The following PAPSS2 variants were observed in gnomAD, a reference collection of about 807,000 sequenced individuals.
PAPSS2 encodes bifunctional 3'-phosphoadenosine 5'-phosphosulfate synthase 2.
PAPSS2 carries 61 observed loss-of-function variants against 66.5 expected under a neutral mutation model. The ratio of observed to expected loss-of-function variants is 0.92; its 90% CI spans 0.75 to 1.14. The LOEUF (loss-of-function observed/expected upper bound fraction) is 1.14, where lower values mean the gene tolerates loss of function less well. PAPSS2 is among the 50% of genes most tolerant of loss of function. The probability of loss-of-function intolerance (pLI) is 0.00; values close to 1 mark genes in which losing one functional copy is unlikely to be tolerated. For missense variants in PAPSS2, 708 were observed against 789.6 expected (o/e 0.90, Z 1.24); for synonymous variants, 289 against 287.5 (o/e 1.01, Z -0.05).
intron 2 of PAPSS2, among the ~76,000 whole-genome samples, chr10:87,711,684 G>T (rs1402716857): frequency 6.6e-6 from 1 of 152,094 alleles, no homozygotes; most frequent in African/African-American, 2.4e-5. Context: ...AAAGCCAAAG[G>T]CATGACTTTA....
intron 9 of PAPSS2, among the ~76,000 whole-genome samples, chr10:87,735,127 TGTGGCCC>T (rs1853781099): frequency 2.0e-5 from 3 of 152,156 alleles, no homozygotes; most frequent in Non-Finnish European, 4.4e-5. Context: ...ATCCTCTAGC[TGTGGCCC>T]CCCTGCTGTC....
In PAPSS2 at chr10:87,686,141, GT is replaced by G. The variant is rs572035192; in HGVS notation, c.28-23041del. On this transcript the variant is annotated intron_variant, in intron 1 of 12. Coordinates refer to ENST00000456849, the MANE Select transcript of PAPSS2 (RefSeq NM_001015880.2). ...AGCCTTTGAATCTGGATGGAAGGTG[GT>G]TTTTTTTTTTTTTCAGTAACAAAGG... Among the ~76,000 whole-genome samples, 170 of 137,208 alleles carry G rather than the reference GT, an allele frequency of 1.2e-3. 1 individual carries two copies. Among genetic ancestry groups the G allele is most frequent in the South Asian group, 4.4e-3 (19 of 4,296 alleles). The allele number at this position is 137,208 out of a possible 152,430, so 90.0% of individuals were successfully genotyped here. A position where few individuals can be genotyped will look rare whatever the true frequency, so the allele number is the denominator to read the frequency against.
At chr10:87,744,050 C>T (rs1247496086) in intron 11 of PAPSS2, among the ~76,000 whole-genome samples, 3 of 151,762 alleles carry the variant, frequency 2.0e-5, no homozygotes, top group Non-Finnish European at 4.4e-5. Flanking sequence ...TGCAGTGAGC[C>T]GAGATCATGC....
chr10:87,720,037 C>T (rs529143819), intron 7 of PAPSS2, among the ~76,000 whole-genome samples: 4 of 152,048 alleles, frequency 2.6e-5, no homozygotes, highest in Admixed American at 6.6e-5. Context: ...AGGCGCTTGC[C>T]ACGAAGCCCA....
At chr10:87,701,145 A>G (rs559484297) in intron 1 of PAPSS2, among the ~76,000 whole-genome samples, 11 of 151,676 alleles carry the variant, frequency 7.3e-5, no homozygotes, top group African/African-American at 2.7e-4. Context: ...CAAAAAGTAT[A>G]TATTATTATA....
chr10:87,713,977 A>C, intron 3 of PAPSS2, 67 bp from the exon 4 acceptor site: 1 of 1,551,766 alleles, frequency 6.4e-7, no homozygotes, highest in East Asian at 2.2e-5. Flanking sequence ...CAAAGTACAC[A>C]GTGTTTTGTG....
Position 87,679,486 on chromosome 10 carries a change from C to G in PAPSS2, c.27+19478C>G, listed in dbSNP as rs147961628. 2.0e-5 allele frequency among the ~76,000 whole-genome samples: 3 copies of G among 152,316 alleles called. No individual in the cohort carries two copies. In the East Asian group the frequency reaches 5.8e-4, roughly 29 times the overall value. ...TAAATGCACAAAGTGATAGACTCTT[C>G]AAATACCCTGACTTAATCATTACAC... On this transcript the variant is annotated intron_variant, in intron 1 of 12. Transcript: ENST00000456849.
Position 87,660,821 on chromosome 10 carries a change from A to C in PAPSS2, c.27+813A>C, listed in dbSNP as rs1037489487. Among the ~76,000 whole-genome samples the C allele has an allele frequency of 1.4e-3, 157 of 109,666 alleles. 1 individual carries two copies. Among genetic ancestry groups the C allele is most frequent in the African/African-American group, 4.5e-3 (134 of 29,986 alleles). The allele number at this position is 109,666 out of a possible 152,430, so 71.9% of individuals were successfully genotyped here. On this transcript the variant is annotated intron_variant, in intron 1 of 12. Transcript: ENST00000456849. ...AATAAACTGAAAAAAAAAAAAAAAA[A>C]AAAAAAAAAAAAACCGGGAGCAGTA... is the stretch of plus-strand genomic sequence containing the variant.
chr10:87,726,259 G>A (rs1329208402), intron 8 of PAPSS2, among the ~76,000 whole-genome samples: 10 of 151,964 alleles, frequency 6.6e-5, no homozygotes, highest in Non-Finnish European at 1.2e-4. Context: ...GTGAAACCCC[G>A]TCTCTACTAA....
chr10:87,667,550 A>G (rs1478675739), intron 1 of PAPSS2, among the ~76,000 whole-genome samples: 1 of 152,208 alleles, frequency 6.6e-6, no homozygotes, highest in African/African-American at 2.4e-5. Context: ...TTGAAATATA[A>G]GTTGCCTCTG....
chr10:87,721,024 T>G (rs1432916143), intron 7 of PAPSS2, among the ~76,000 whole-genome samples: 1 of 152,204 alleles, frequency 6.6e-6, no homozygotes, highest in Non-Finnish European at 1.5e-5. Flanking sequence ...TTAATGGCTA[T>G]TCTTCCGCAG....
At chr10:87,697,338 C>T (rs75085915) in intron 1 of PAPSS2, among the ~76,000 whole-genome samples, 7,382 of 152,224 alleles carry the variant, frequency 0.048, 227 homozygotes, top group South Asian at 0.12. Context: ...CAAGGGGCAA[C>T]GAGGGGTCGG....
intron 9 of PAPSS2, 73 bp downstream of exon 9, chr10:87,727,562 C>A: frequency 7.8e-7 from 1 of 1,281,608 alleles, no homozygotes; most frequent in Non-Finnish European, 1.1e-6. Context: ...CTTTTTAATT[C>A]CTTTGCAAAG....
intron 1 of PAPSS2, among the ~76,000 whole-genome samples, chr10:87,686,366 C>G (rs1389868120): frequency 6.6e-6 from 1 of 151,148 alleles, no homozygotes; most frequent in Non-Finnish European, 1.5e-5. Flanking sequence ...AAAAAGAGGC[C>G]CTTTTACCCA....
At chr10:87,661,149 A>T (rs1304160954) in intron 1 of PAPSS2, 5 of 405,632 alleles carry the variant, frequency 1.2e-5, no homozygotes, top group Non-Finnish European at 2.5e-5. Flanking sequence ...TTTAAAAAAA[A>T]AAACAAAATA....
intron 1 of PAPSS2, among the ~76,000 whole-genome samples, chr10:87,688,824 C>T (rs1480268467): frequency 6.6e-6 from 1 of 151,962 alleles, no homozygotes; most frequent in Non-Finnish European, 1.5e-5. Flanking sequence ...TTTGTAAAAC[C>T]GACCAAAATA....
At chr10:87,744,449 C>A (rs1589445604) in intron 11 of PAPSS2, among the ~76,000 whole-genome samples, 2 of 152,266 alleles carry the variant, frequency 1.3e-5, no homozygotes, top group South Asian at 2.1e-4. Context: ...CTTTGGAATG[C>A]CCCAAACTGA....
At chr10:87,691,823 G>T (rs900625232) in intron 1 of PAPSS2, among the ~76,000 whole-genome samples, 4 of 152,092 alleles carry the variant, frequency 2.6e-5, no homozygotes, top group Admixed American at 6.5e-5. Flanking sequence ...GGTATGGTCG[G>T]TGCACACCTG....
At chr10:87,734,663 G>A (rs12217235) in intron 9 of PAPSS2, among the ~76,000 whole-genome samples, 978 of 80,550 alleles carry the variant, frequency 0.012, 25 homozygotes, top group East Asian at 0.11. Flanking sequence ...GAATGTGTGT[G>A]TATATATATA....
Sources: gnomAD v4.1 joint callset for allele counts (sites outside exome capture counted in the v4.1 genomes callset) on GRCh38, gnomAD v4.1.1 for gene constraint, MANE v1.5 for transcripts, NCBI Gene and HGNC (gene_info 2026-07-23, HGNC 2026-07-21) for gene names.